Variants in TBC1D1 observed in about 807,000 individuals in gnomAD.
TBC1D1 encodes the protein TBC1 (tre-2/USP6, BUB2, cdc16) domain family, member 1.
A neutral mutation model predicts 125.6 loss-of-function variants in TBC1D1; 89 were observed. The ratio of observed to expected loss-of-function variants is 0.71; its 90% CI spans 0.60 to 0.85. TBC1D1 has a LOEUF of 0.85. Ranked by LOEUF, TBC1D1 falls within the 40% of genes least tolerant of loss-of-function variation. The pLI, the probability that TBC1D1 is intolerant of heterozygous loss-of-function variation, is 0.00. For missense variants in TBC1D1, 1,377 were observed against 1,469.2 expected, an observed-to-expected ratio of 0.94 and a Z score of 1.03; for synonymous variants, 565 against 564.1, an observed-to-expected ratio of 1.00 and a Z score of -0.02.
chr4:38,112,355 A>G (rs903497050), intron 15 of TBC1D1, among the ~76,000 whole-genome samples: 2 of 152,214 alleles, frequency 1.3e-5, no homozygotes, highest in African/African-American at 2.4e-5. Flanking sequence ...CTTTACTTTA[A>G]ATGTAATTTA....
At chr4:38,085,112 G>T (rs1031518595) in intron 12 of TBC1D1, among the ~76,000 whole-genome samples, 1 of 152,328 alleles carries the variant, frequency 6.6e-6, no homozygotes, top group East Asian at 1.9e-4. Context: ...ACACATTTGT[G>T]TGCAGATAGA....
chr4:38,058,655 T>TA (rs1438412086), intron 12 of TBC1D1, among the ~76,000 whole-genome samples: 4 of 152,208 alleles, frequency 2.6e-5, no homozygotes, highest in African/African-American at 9.6e-5. Context: ...CAGGAAATCT[T>TA]ACAACCTCTC....
At chr4:38,050,184 T>TG (rs1201143575) in intron 11 of TBC1D1, among the ~76,000 whole-genome samples, 3 of 152,176 alleles carry the variant, frequency 2.0e-5, no homozygotes, top group Admixed American at 6.5e-5. Flanking sequence ...ACTGTGGAAC[T>TG]TTGCTGCTGT....
intron 1 of TBC1D1, among the ~76,000 whole-genome samples, chr4:37,891,593 G>C (rs919156619): frequency 7.9e-6 from 1 of 126,146 alleles, no homozygotes; most frequent in Admixed American, 9.9e-5. Context: ...CTAGCGACCC[G>C]AGAGCTCCGC....
intron 12 of TBC1D1, among the ~76,000 whole-genome samples, chr4:38,055,444 CA>C (rs1296693959): frequency 6.6e-6 from 1 of 152,166 alleles, no homozygotes; most frequent in African/African-American, 2.4e-5. Context: ...ATTACTGATA[CA>C]TTTTTTTTAA....
intron 6 of TBC1D1, among the ~76,000 whole-genome samples, chr4:38,026,334 T>C (rs1398847737): frequency 6.6e-6 from 1 of 152,206 alleles, no homozygotes; most frequent in Non-Finnish European, 1.5e-5. Flanking sequence ...CCTCAGCTGC[T>C]GTGGGAGGGG....
At chr4:37,928,665 C>T (rs75210526) in intron 2 of TBC1D1, among the ~76,000 whole-genome samples, 7 of 152,308 alleles carry the variant, frequency 4.6e-5, no homozygotes, top group East Asian at 3.9e-4. Flanking sequence ...AATAAACAGC[C>T]GACCCATGCC....
rs563688922 is a variant in TBC1D1 at position 37,951,640 on chromosome 4, C to T, written c.417+49128C>T. Among the ~76,000 whole-genome samples the T allele has an allele frequency of 4.0e-4, 61 of 152,244 alleles. 1 individual carries two copies. Among genetic ancestry groups the T allele is most frequent in the Admixed American group, 1.7e-3 (26 of 15,286 alleles). ...GGGGAAGGAACCTTGTGACACTCTGCTAGGGAAGAGGAGAGGCGGTGACAC... is the reference window on the plus strand; with the variant it reads ...GGGGAAGGAACCTTGTGACACTCTGTTAGGGAAGAGGAGAGGCGGTGACAC... On this transcript the variant is annotated intron_variant, in intron 2 of 19. Transcript: ENST00000261439.
At chr4:38,127,381 C>CT (rs35658047) in intron 18 of TBC1D1, among the ~76,000 whole-genome samples, 9,014 of 124,390 alleles carry the variant, frequency 0.072, 854 homozygotes, top group African/African-American at 0.2. Flanking sequence ...TTTCCACTGA[C>CT]TTTTTTTTTT....
intron 2 of TBC1D1, among the ~76,000 whole-genome samples, chr4:37,996,994 G>T (rs1356332495): frequency 2.0e-5 from 3 of 152,238 alleles, no homozygotes; most frequent in Non-Finnish European, 4.4e-5. Context: ...TTGAGGCATA[G>T]CCTATACTAT....
intron 2 of TBC1D1, among the ~76,000 whole-genome samples, chr4:37,932,519 A>T (rs1458149523): frequency 6.6e-6 from 1 of 152,192 alleles, no homozygotes. Flanking sequence ...TCAACATTAA[A>T]TATGTAGTTA....
intron 11 of TBC1D1, among the ~76,000 whole-genome samples, chr4:38,052,724 G>GTGCACACACACACACACACA (rs1362899510): frequency 1.7e-5 from 1 of 59,962 alleles, no homozygotes; most frequent in Non-Finnish European, 3.6e-5. Context: ...GCGCGCGCGC[G>GTGCACACACACACACACACA]CGCGCACACA....
intron 8 of TBC1D1, among the ~76,000 whole-genome samples, chr4:38,041,995 G>A (rs1017190322): frequency 3.3e-5 from 5 of 152,036 alleles, no homozygotes; most frequent in Admixed American, 6.5e-5. Flanking sequence ...TCAACATGGC[G>A]AAACCCCATC....
rs145367222 is a variant in TBC1D1 at position 37,991,302 on chromosome 4, T to G, written c.418-23207T>G. 2.1e-3 allele frequency among the ~76,000 whole-genome samples: 315 copies of G among 152,310 alleles called. 2 individuals are homozygous for G. Among genetic ancestry groups the G allele is most frequent in the African/African-American group, 6.7e-3 (280 of 41,564 alleles). ...TCATTTTTATTCTGGGTGCCAGAGA[T>G]TTGGCTTGGGTGTGGGTGTTAAGAA... On this transcript the variant is annotated intron_variant, in intron 2 of 19. Transcript: ENST00000261439.
At position 38,049,575 on chromosome 4, in the gene TBC1D1, T is replaced by C. The variant is rs11946442; in HGVS notation, c.1630-43T>C. 4.5e-6 allele frequency: 7 copies of C among 1,544,582 alleles called. No individual in the cohort carries two copies. In the East Asian group the frequency reaches 1.6e-4, roughly 35 times the overall value. On this transcript the variant is annotated intron_variant, in intron 10 of 19. Coordinates refer to ENST00000261439, the MANE Select transcript of TBC1D1 (RefSeq NM_015173.4). The stretch of plus-strand genomic sequence containing the variant: ...GAACTAGAGATTTATAAATCCCACA[T>C]ATTCCCCATGGTGTGTCTGATCTGC...
At chr4:38,081,282 C>T (rs1366513280) in intron 12 of TBC1D1, among the ~76,000 whole-genome samples, 3 of 152,120 alleles carry the variant, frequency 2.0e-5, no homozygotes, top group African/African-American at 7.2e-5. Flanking sequence ...GTCTGGGGTC[C>T]CTCGGGGCAG....
At chr4:38,102,178 G>A (rs1029903991) in intron 14 of TBC1D1, among the ~76,000 whole-genome samples, 18 of 151,664 alleles carry the variant, frequency 1.2e-4, no homozygotes, top group Non-Finnish European at 1.0e-4. Flanking sequence ...CACCAACATG[G>A]CACACTTATA....
intron 2 of TBC1D1, among the ~76,000 whole-genome samples, chr4:37,907,196 CACACTGCT>C (rs890389029): frequency 9.2e-5 from 14 of 152,170 alleles, no homozygotes; most frequent in Non-Finnish European, 1.9e-4. Flanking sequence ...AATTTGGCCT[CACACTGCT>C]ACATAGTAGG....
At chr4:38,051,959 T>C in intron 11 of TBC1D1, 1 of 1,550,726 alleles carries the variant, frequency 6.4e-7, no homozygotes, top group African/African-American at 1.4e-5. Context: ...CAGCTCCTGC[T>C]CCTCCACCTC....
Sources: allele counts gnomAD v4.1 joint callset (sites outside exome capture counted in the v4.1 genomes callset), GRCh38; gene constraint gnomAD v4.1.1; transcripts MANE v1.5; gene names NCBI Gene and HGNC (gene_info 2026-07-23, HGNC 2026-07-21).